MYOM3: variants seen among roughly 807,000 people sequenced by gnomAD.
MYOM3 encodes the protein myomesin 3.
Under a neutral mutation model 191.7 loss-of-function variants are expected in MYOM3, and 155 were observed. The ratio of observed to expected loss-of-function variants is 0.81; its 90% confidence interval spans 0.71 to 0.92. The LOEUF is 0.92. Among genes scored for constraint, MYOM3 ranks in the 40% least tolerant of loss-of-function variants. The pLI is 0.00. For missense variants in MYOM3, 1,889 were observed against 1,890.6 expected (o/e 1.00, Z 0.02); for synonymous variants, 757 against 762.9 (o/e 0.99, Z 0.13).
At chr1:24,101,578 C>T (rs967603329) in intron 5 of MYOM3, among the ~76,000 whole-genome samples, 2 of 152,092 alleles carry the variant, frequency 1.3e-5, no homozygotes, top group African/African-American at 4.8e-5. Context: ...AAGACCCCAT[C>T]TTTACAAAAT....
intron 7 of MYOM3, among the ~76,000 whole-genome samples, chr1:24,095,960 T>C (rs1387745690): frequency 2.6e-5 from 4 of 152,134 alleles, no homozygotes; most frequent in African/African-American, 7.2e-5. Flanking sequence ...ACAGCAGCTC[T>C]CACTCACACA....
rs761695186 is a variant in MYOM3 at position 24,057,565 on chromosome 1, A to G, written c.4113T>C (p.Asn1371=). 2 of 1,614,146 alleles carry G rather than the reference A, an allele frequency of 1.2e-6. No homozygotes were observed. The highest frequency in any genetic ancestry group is 2.2e-5 in the East Asian group (1 of 44,876). Residue 1371 remains asparagine, a synonymous_variant, in exon 37 of 37, where the codon AAT becomes AAC. Coordinates refer to ENST00000374434, the MANE Select transcript of MYOM3 (RefSeq NM_152372.4). ...DPTPEISWLK[N]DQPVTFLDRY... ...GGTCAAGGAAGGTGACAGGCTGGTC[A>G]TTCTTCAGCCAAGAGATTTCAGGGG...
Position 24,107,071 on chromosome 1 carries a change from A to T in MYOM3, c.402+2T>A, listed in dbSNP as rs905282619. The T allele has an allele frequency of 1.9e-6, 3 of 1,599,720 alleles. No homozygotes were observed. The highest frequency in any genetic ancestry group is 2.6e-6 in the Non-Finnish European group (3 of 1,173,836). On this transcript the variant is annotated splice_donor_variant, in intron 4 of 36. Coordinates refer to ENST00000374434, the MANE Select transcript of MYOM3 (RefSeq NM_152372.4). LOFTEE classifies it high-confidence loss of function. Reference sequence around the variant, plus strand: ...CTGGGGCTCCACGGCCCACCCCCTTACCCGCCGCCTCAGCGTCTTCCAGTC... The same window carrying T: ...CTGGGGCTCCACGGCCCACCCCCTTTCCCGCCGCCTCAGCGTCTTCCAGTC...
chr1:24,102,599 GA>G (rs1409285469), intron 5 of MYOM3, among the ~76,000 whole-genome samples: 11 of 152,178 alleles, frequency 7.2e-5, no homozygotes, highest in African/African-American at 2.7e-4. Context: ...TGTATTCCCA[GA>G]GCTTTGGGAG....
At position 24,084,604 on chromosome 1, in the gene MYOM3, T is replaced by C; in HGVS notation, c.1834A>G (p.Arg612Gly). 1 of 1,613,584 alleles carries C rather than the reference T, an allele frequency of 6.2e-7. No individual in the cohort carries two copies. The highest frequency in any genetic ancestry group is 2.2e-5 in the East Asian group (1 of 44,872). The part of the protein sequence containing the change: ...LPPPAQVQAF[R>G]DTQTSVSLTW... ...AGGGAGACAGAGGTCTGTGTGTCTC[T>C]GAAAGCTTGAACTTGAGCTGGAGGA... The change falls in exon 16 of 37, where the codon AGA becomes GGA. Residue 612 changes from arginine to glycine, a missense_variant. Transcript: ENST00000374434.
At chr1:24,069,729 C>A (rs1393788473) in intron 25 of MYOM3, among the ~76,000 whole-genome samples, 1 of 151,950 alleles carries the variant, frequency 6.6e-6, no homozygotes, top group Non-Finnish European at 1.5e-5. Flanking sequence ...CGTGCCTCAG[C>A]CTCCTGAGTA....
At position 24,098,723 on chromosome 1, in the gene MYOM3, C is replaced by T. The variant is rs567656240; in HGVS notation, c.657-712G>A. 9.2e-5 allele frequency among the ~76,000 whole-genome samples: 14 copies of T among 152,334 alleles called. No homozygotes were observed. The South Asian group carries it at 2.9e-3, about 32-fold the overall frequency. On this transcript the variant is annotated intron_variant, in intron 6 of 36. Transcript: ENST00000374434. ...AGGTCCCCCTGGGCCTGCGCACCTT[C>T]CTTGACTGTGGAGTCCATGGGGCAC...
intron 22 of MYOM3, 150 bp downstream of exon 22, chr1:24,075,169 G>A: frequency 1.4e-6 from 1 of 695,592 alleles, no homozygotes; most frequent in Non-Finnish European, 2.5e-6. Context: ...CACTAAGGTG[G>A]CAGTCAGCGT....
chr1:24,075,353 G>A lies in MYOM3; in HGVS notation c.2824C>T (p.Pro942Ser). 3.7e-6 allele frequency: 6 copies of A among 1,612,772 alleles called. No homozygotes were observed. The highest frequency in any genetic ancestry group is 5.1e-6 in the Non-Finnish European group (6 of 1,179,894). Reference protein sequence around the residue: ...WSKDYKGPLDPQRVKIEDKVN... With the variant: ...WSKDYKGPLDSQRVKIEDKVN... The stretch of plus-strand genomic sequence containing the variant: ...TTATCCTCGATCTTGACCCTCTGGG[G>A]GTCCAGTGGGCCCTTGTAGTCTTTG... Residue 942 changes from proline (P) to serine (S), a missense_variant, in exon 22 of 37, where the codon CCC becomes TCC. By Grantham distance (74) the Pro-to-Ser change is moderately conservative. Transcript: ENST00000374434.
Position 24,082,608 on chromosome 1 carries a change from C to A in MYOM3, c.2077G>T (p.Val693Phe), listed in dbSNP as rs760274173. ...TTGGACTCACCCAGAGCCTGCTTGA[C>A]CCTGATGGGCTCGGTGGCGGCTGAG... ...ESSAATEPIR[V>F]KQALATPSAP... The change falls in exon 17 of 37, where the codon GTC (valine) becomes TTC (phenylalanine). Residue 693 changes from valine (V) to phenylalanine (F), a missense_variant. Val to Phe is a conservative substitution (Grantham distance 50, BLOSUM62 -1). Transcript: ENST00000374434. 5.6e-6 allele frequency: 9 copies of A among 1,608,746 alleles called. No individual in the cohort carries two copies. Among genetic ancestry groups the A allele is most frequent in the Non-Finnish European group, 7.6e-6 (9 of 1,178,038 alleles).
At chr1:24,075,814 T>A (rs766300728) in intron 21 of MYOM3, among the ~76,000 whole-genome samples, 8 of 152,214 alleles carry the variant, frequency 5.3e-5, no homozygotes, top group Non-Finnish European at 1.2e-4. Flanking sequence ...AGAGCAGGGA[T>A]CTTACTCTCT....
At chr1:24,071,398 G>A in intron 24 of MYOM3, 145 bp from the exon 25 acceptor site, 1 of 964,294 alleles carries the variant, frequency 1.0e-6, no homozygotes, top group South Asian at 1.8e-5. Context: ...GTGGGGCTCA[G>A]AGGAGGGTTT....
chr1:24,078,514 C>T (rs1002850800), intron 20 of MYOM3, among the ~76,000 whole-genome samples: 4 of 152,130 alleles, frequency 2.6e-5, no homozygotes, highest in Admixed American at 6.5e-5. Flanking sequence ...GCCATTGTTA[C>T]GGGCTTCTTG....
chr1:24,106,942 G>T, intron 4 of MYOM3, 131 bp downstream of exon 4: 1 of 843,306 alleles, frequency 1.2e-6, no homozygotes, highest in South Asian at 1.8e-5. Flanking sequence ...CTGGAATGTA[G>T]GGGCATCAGA....
intron 5 of MYOM3, among the ~76,000 whole-genome samples, chr1:24,105,560 A>G (rs531183055): frequency 4.6e-5 from 7 of 152,338 alleles, no homozygotes; most frequent in African/African-American, 1.7e-4. Flanking sequence ...CCAGGGGCCC[A>G]GTCTTCCAGC....
At position 24,064,063 on chromosome 1, in the gene MYOM3, A is replaced by G; in HGVS notation, c.3622+9T>C. The G allele has an allele frequency of 4.3e-6, 7 of 1,612,070 alleles. No individual in the cohort carries two copies. The highest frequency in any genetic ancestry group is 5.9e-6 in the Non-Finnish European group (7 of 1,178,216). On this transcript the variant is annotated intron_variant, in intron 30 of 36. Coordinates refer to ENST00000374434, the MANE Select transcript of MYOM3 (RefSeq NM_152372.4). ...CCTCCACAGCCCCTGACCCATCGCC[A>G]GCTCCTACCGTCACCCGTGAGGTCC...
chr1:24,063,293 G>A lies in MYOM3; in HGVS notation c.3662-59C>T, dbSNP rs1360484937. The A allele has an allele frequency of 6.7e-7, 1 of 1,501,380 alleles. No individual in the cohort carries two copies. Among genetic ancestry groups the A allele is most frequent in the African/African-American group, 1.4e-5 (1 of 72,664 alleles). The allele number at this position is 1,501,380 out of a possible 1,614,324, so 93.0% of individuals were successfully genotyped here. The stretch of plus-strand genomic sequence containing the variant: ...TGAGGCCATTTAGGCATCAGATTTT[G>A]GGGCCGGCTTGTCTGCCTCTGCCCT... On this transcript the variant is annotated intron_variant, in intron 31 of 36. Transcript: ENST00000374434. This position sits in a 1 kb window ranked among gnomAD's most constrained non-coding sequence, Gnocchi z 4.5.
chr1:24,107,289 CTG>C, intron 3 of MYOM3, 57 bp from the exon 4 acceptor site: 1 of 1,470,604 alleles, frequency 6.8e-7, no homozygotes, highest in Non-Finnish European at 9.2e-7. Flanking sequence ...CTGGGGCATC[CTG>C]GCCAGTTCCA....
intron 20 of MYOM3, among the ~76,000 whole-genome samples, chr1:24,079,072 A>G (rs1643636198): frequency 6.6e-6 from 1 of 152,182 alleles, no homozygotes; most frequent in Admixed American, 6.5e-5. Flanking sequence ...TTATTTATCT[A>G]TATTATATCT....
Sources: allele counts gnomAD v4.1 joint callset (sites outside exome capture counted in the v4.1 genomes callset), GRCh38; gene constraint gnomAD v4.1.1; non-coding constraint Gnocchi (gnomAD v3.1); transcripts MANE v1.5; gene names NCBI Gene and HGNC (gene_info 2026-07-23, HGNC 2026-07-21).